AKAP10: variants seen among roughly 807,000 people sequenced by gnomAD.
AKAP10 encodes the protein A-kinase anchor protein 10, mitochondrial.
A neutral mutation model predicts 80.8 loss-of-function variants in AKAP10; 24 were observed. That is an observed-to-expected ratio of 0.30 (90% CI 0.22 to 0.42). The LOEUF (loss-of-function observed/expected upper bound fraction) is 0.42, where lower values mean the gene tolerates loss of function less well. Among genes scored for constraint, AKAP10 ranks in the 10% least tolerant of loss-of-function variants. AKAP10 has a pLI of 1.00. For synonymous variants in AKAP10, 291 were observed against 277.7 expected, an observed-to-expected ratio of 1.05 and a Z score of -0.48; for missense variants, 661 against 794.9, an observed-to-expected ratio of 0.83 and a Z score of 2.03.
intron 1 of AKAP10, among the ~76,000 whole-genome samples, chr17:19,971,446 T>C (rs927679245): frequency 4.6e-5 from 7 of 151,324 alleles, no homozygotes; most frequent in Admixed American, 1.3e-4. Flanking sequence ...GAGGTGGAGG[T>C]TGCAGTGAGC....
At chr17:19,937,577 A>G (rs898652922) in intron 8 of AKAP10, among the ~76,000 whole-genome samples, 10 of 152,224 alleles carry the variant, frequency 6.6e-5, no homozygotes, top group African/African-American at 1.9e-4. Context: ...TGAATCTCCT[A>G]TGTTGTATTG....
intron 1 of AKAP10, among the ~76,000 whole-genome samples, chr17:19,968,707 G>C (rs907843150): frequency 6.6e-6 from 1 of 152,144 alleles, no homozygotes; most frequent in Non-Finnish European, 1.5e-5. Context: ...ACAACATCTG[G>C]GGTCAAATTC....
chr17:19,957,926 C>A, intron 4 of AKAP10, 88 bp downstream of exon 4: 1 of 1,349,092 alleles, frequency 7.4e-7, no homozygotes, highest in Non-Finnish European at 1.0e-6. Flanking sequence ...ATATTCCAAT[C>A]ATTTTATTCC....
At position 19,957,896 on chromosome 17, in the gene AKAP10, GTAGT is replaced by G. The variant is rs532018350; in HGVS notation, c.877+114_877+117del. On this transcript the variant is annotated intron_variant, in intron 4 of 14. Transcript: ENST00000225737. ...TCTCCAAATTCTCCCAAATTTACAA[GTAGT>G]TAGAGGAGAAAAAAAATATTCCAAT... 2.7e-4 allele frequency: 296 copies of G among 1,092,862 alleles called. 4 individuals carry two copies. In the Admixed American group the frequency reaches 7.5e-3, roughly 28 times the overall value. 67.7% of individuals were successfully genotyped at this position (1,092,862 alleles called of 1,614,324 possible). A position where few individuals can be genotyped will look rare whatever the true frequency, so the allele number is the denominator to read the frequency against.
intron 4 of AKAP10, among the ~76,000 whole-genome samples, chr17:19,957,656 T>C (rs912649938): frequency 6.6e-6 from 1 of 152,212 alleles, no homozygotes; most frequent in Non-Finnish European, 1.5e-5. Flanking sequence ...TTTTAAAAAT[T>C]TTTTAAAAAT....
chr17:19,946,238 T>TA (rs1567765502), intron 5 of AKAP10, among the ~76,000 whole-genome samples: 2 of 8,792 alleles, frequency 2.3e-4, no homozygotes, highest in African/African-American at 1.0e-3. Flanking sequence ...ATATATATAT[T>TA]ATATATATAT....
intron 9 of AKAP10, among the ~76,000 whole-genome samples, chr17:19,932,243 G>C (rs1434173600): frequency 3.3e-5 from 5 of 151,828 alleles, no homozygotes; most frequent in African/African-American, 1.2e-4. Flanking sequence ...TTGAGACCAG[G>C]AGTTCAAGAC....
intron 4 of AKAP10, among the ~76,000 whole-genome samples, chr17:19,947,768 G>A (rs1377217874): frequency 1.3e-5 from 2 of 152,128 alleles, no homozygotes. Context: ...ATATTAACCT[G>A]TTATAACGTA....
chr17:19,936,581 C>T (rs2042995150), intron 8 of AKAP10, 151 bp from the exon 9 acceptor site: 2 of 758,914 alleles, frequency 2.6e-6, no homozygotes, highest in Non-Finnish European at 4.0e-6. Flanking sequence ...GCTGATGTAA[C>T]CTTTCTTTGT....
At chr17:19,973,735 A>G (rs898923219) in intron 1 of AKAP10, among the ~76,000 whole-genome samples, 4 of 152,218 alleles carry the variant, frequency 2.6e-5, no homozygotes, top group African/African-American at 9.6e-5. Context: ...TAACCACTCA[A>G]TCTTAACAGA....
At chr17:19,924,575 T>C (rs2152411773) in intron 10 of AKAP10, 58 bp from the exon 11 acceptor site, 1 of 1,131,504 alleles carries the variant, frequency 8.8e-7, no homozygotes, top group East Asian at 2.8e-5. Context: ...GGGCTTGGAA[T>C]GTGACAGATT....
chr17:19,969,675 C>A (rs1435591652), intron 1 of AKAP10, among the ~76,000 whole-genome samples: 2 of 152,104 alleles, frequency 1.3e-5, no homozygotes, highest in African/African-American at 4.8e-5. Flanking sequence ...AACTCGCCCT[C>A]AGAGTATCTG....
chr17:19,910,949 CT>C (rs1407934383), intron 12 of AKAP10, among the ~76,000 whole-genome samples: 1 of 152,172 alleles, frequency 6.6e-6, no homozygotes, highest in Non-Finnish European at 1.5e-5. Flanking sequence ...ACACAGCTTA[CT>C]TTTTTATTTA....
intron 3 of AKAP10, among the ~76,000 whole-genome samples, chr17:19,959,982 C>T (rs2043328762): frequency 6.6e-6 from 1 of 152,176 alleles, no homozygotes; most frequent in South Asian, 2.1e-4. Context: ...CATGGTCGCT[C>T]ACGCCTGTAA....
At chr17:19,920,444 G>GGTA (rs2042797434) in intron 11 of AKAP10, among the ~76,000 whole-genome samples, 1 of 152,130 alleles carries the variant, frequency 6.6e-6, no homozygotes, top group African/African-American at 2.4e-5. Flanking sequence ...GCACCCAAAA[G>GGTA]GTAGGCCTTG....
At chr17:19,946,275 A>ATATATATATAT (rs1396725688) in intron 5 of AKAP10, among the ~76,000 whole-genome samples, 1 of 12,942 alleles carries the variant, frequency 7.7e-5, no homozygotes, top group African/African-American at 2.5e-4. Context: ...ATATATATAT[A>ATATATATATAT]TTTTTTTTTT....
rs934387595 is a variant in AKAP10, at chr17:19,923,619, C to G, written c.1751+789G>C. On this transcript the variant is annotated intron_variant, in intron 11 of 14. Transcript: ENST00000225737. ...TAAGCTCACTGCAAGCTCCGCCTCC[C>G]GGGCTCACGCCATTCTCCTGTCTCA... 3.3e-5 allele frequency among the ~76,000 whole-genome samples: 5 copies of G among 152,118 alleles called. No homozygotes were observed. In the South Asian group the frequency reaches 8.3e-4, roughly 25 times the overall value.
intron 4 of AKAP10, among the ~76,000 whole-genome samples, chr17:19,955,963 T>C (rs956608769): frequency 5.9e-5 from 9 of 152,032 alleles, no homozygotes; most frequent in Admixed American, 2.0e-4. Context: ...CTAAGGAAAA[T>C]AGTGGGAGGC....
chr17:19,950,593 A>G (rs2043190105), intron 4 of AKAP10, among the ~76,000 whole-genome samples: 1 of 152,224 alleles, frequency 6.6e-6, no homozygotes, highest in Non-Finnish European at 1.5e-5. Flanking sequence ...TTGCAGACGG[A>G]GTCTCGCTCA....
Sources: gnomAD v4.1 joint callset for allele counts (sites outside exome capture counted in the v4.1 genomes callset) on GRCh38, gnomAD v4.1.1 for gene constraint, MANE v1.5 for transcripts, NCBI Gene and HGNC (gene_info 2026-07-23, HGNC 2026-07-21) for gene names.